Variants in UNC13B observed in about 807,000 individuals in gnomAD.
UNC13B encodes the protein protein unc-13 homolog B.
UNC13B carries 144 observed loss-of-function variants against 211.0 expected under a neutral mutation model. The ratio of observed to expected loss-of-function variants is 0.68; its 90% CI spans 0.60 to 0.78. UNC13B has a LOEUF of 0.78. UNC13B is among the 30% of genes least tolerant of loss of function. The pLI, the probability that UNC13B is intolerant of heterozygous loss-of-function variation, is 0.00. For synonymous variants in UNC13B, 709 were observed against 725.8 expected, an observed-to-expected ratio of 0.98 and a Z score of 0.37; for missense variants, 1,777 against 2,002.0, an observed-to-expected ratio of 0.89 and a Z score of 2.14.
At position 35,306,820 on chromosome 9, in the gene UNC13B, A is replaced by G. The variant is rs1334730824; in HGVS notation, c.7416A>G (p.Leu2472=). 5.0e-6 allele frequency: 2 copies of G among 398,890 alleles called. No homozygotes were observed. The highest frequency in any genetic ancestry group is 4.1e-5 in the African/African-American group (2 of 48,606). 24.7% of individuals were successfully genotyped at this position (398,890 alleles called of 1,614,324 possible). Reference sequence around the variant, plus strand: ...AAGTGAAATCTTTCTCTGGGAGCTTAATTGAACCTCCCAAAACACTCTCTG... The same window carrying G: ...AAGTGAAATCTTTCTCTGGGAGCTTGATTGAACCTCCCAAAACACTCTCTG... ...VTKVKSFSGS[L]IEPPKTLSGL... The change falls in exon 9 of 40, where the codon TTA becomes TTG. Residue 2472 remains leucine (L), a synonymous_variant. Transcript: ENST00000635942.
chr9:35,318,314 T>A (rs906649296), intron 11 of UNC13B, among the ~76,000 whole-genome samples: 1 of 152,172 alleles, frequency 6.6e-6, no homozygotes, highest in East Asian at 1.9e-4. Flanking sequence ...GTACTTAAGA[T>A]GAGATTTAGT....
At chr9:35,330,693 C>T (rs965878283) in intron 11 of UNC13B, among the ~76,000 whole-genome samples, 2 of 152,172 alleles carry the variant, frequency 1.3e-5, no homozygotes, top group Non-Finnish European at 2.9e-5. Flanking sequence ...CTGAAATATT[C>T]TGGACACATT....
chr9:35,203,194 T>C (rs1218987450), intron 1 of UNC13B, among the ~76,000 whole-genome samples: 1 of 152,222 alleles, frequency 6.6e-6, no homozygotes, highest in African/African-American at 2.4e-5. Flanking sequence ...TTTGGTCCTG[T>C]CATTATGATG....
At chr9:35,201,455 C>T (rs1240274299) in intron 1 of UNC13B, among the ~76,000 whole-genome samples, 1 of 152,146 alleles carries the variant, frequency 6.6e-6, no homozygotes, top group Non-Finnish European at 1.5e-5. Context: ...GCTGTGAATC[C>T]ATCTGGTCCT....
chr9:35,385,938 G>C, intron 23 of UNC13B, 125 bp downstream of exon 23: 2 of 1,412,432 alleles, frequency 1.4e-6, no homozygotes, highest in Non-Finnish European at 1.9e-6. Context: ...TTACATTTCT[G>C]TGTACCTGTT....
chr9:35,394,217 G>A (rs1453844007), intron 26 of UNC13B, among the ~76,000 whole-genome samples: 18 of 152,194 alleles, frequency 1.2e-4, no homozygotes. Context: ...ATTAGTTGGT[G>A]TACTCTGTTC....
At chr9:35,194,195 T>A (rs1382346390) in intron 1 of UNC13B, among the ~76,000 whole-genome samples, 2 of 152,204 alleles carry the variant, frequency 1.3e-5, no homozygotes, top group Non-Finnish European at 2.9e-5. Flanking sequence ...ACGCCTTCCC[T>A]TGAGCTATAT....
chr9:35,207,051 A>C (rs548174697), intron 1 of UNC13B, among the ~76,000 whole-genome samples: 8 of 152,106 alleles, frequency 5.3e-5, no homozygotes, highest in Admixed American at 2.6e-4. Flanking sequence ...TGTGTGCACT[A>C]TTTTTCAAAG....
chr9:35,215,466 T>C (rs1273924986), intron 1 of UNC13B, among the ~76,000 whole-genome samples: 5 of 152,170 alleles, frequency 3.3e-5, no homozygotes, highest in African/African-American at 1.2e-4. Context: ...ATGTCTAATA[T>C]GTTACAGTTT....
At chr9:35,211,596 A>C (rs569567872) in intron 1 of UNC13B, among the ~76,000 whole-genome samples, 2 of 152,228 alleles carry the variant, frequency 1.3e-5, no homozygotes, top group Admixed American at 6.5e-5. Flanking sequence ...GTATAGCAAT[A>C]TGAGTAGTAG....
At chr9:35,198,751 T>C (rs375359607) in intron 1 of UNC13B, among the ~76,000 whole-genome samples, 1 of 152,050 alleles carries the variant, frequency 6.6e-6, no homozygotes, top group Admixed American at 6.5e-5. Context: ...CTGAGGAGTT[T>C]TCAGATGGAG....
At chr9:35,390,394 G>C (rs543683093) in intron 25 of UNC13B, among the ~76,000 whole-genome samples, 11 of 152,290 alleles carry the variant, frequency 7.2e-5, no homozygotes, top group Non-Finnish European at 1.2e-4. Flanking sequence ...CCTGCCTTCT[G>C]GGCATCTTCT....
intron 37 of UNC13B, chr9:35,402,001 G>A: frequency 6.4e-7 from 1 of 1,550,630 alleles, no homozygotes; most frequent in Non-Finnish European, 8.7e-7. Context: ...CATTCGTCCG[G>A]AAAAGGGTAT....
At chr9:35,249,570 G>A (rs1488214004) in intron 6 of UNC13B, among the ~76,000 whole-genome samples, 1 of 152,138 alleles carries the variant, frequency 6.6e-6, no homozygotes, top group Non-Finnish European at 1.5e-5. Context: ...AAATCTCTCA[G>A]CATTTGCTTG....
chr9:35,327,489 A>C (rs1234017659), intron 11 of UNC13B, among the ~76,000 whole-genome samples: 1 of 152,164 alleles, frequency 6.6e-6, no homozygotes, highest in African/African-American at 2.4e-5. Context: ...GGAGAAGAGG[A>C]AGCAAATGTC....
intron 1 of UNC13B, among the ~76,000 whole-genome samples, chr9:35,225,669 C>G (rs879433528): frequency 1.3e-5 from 2 of 151,890 alleles, no homozygotes; most frequent in Non-Finnish European, 2.9e-5. Context: ...AGTTTCTTGG[C>G]TTCTCAGTGG....
At chr9:35,358,870 T>G (rs1277209042) in intron 11 of UNC13B, among the ~76,000 whole-genome samples, 1 of 151,938 alleles carries the variant, frequency 6.6e-6, no homozygotes, top group East Asian at 1.9e-4. Flanking sequence ...GGTTAATTTT[T>G]TGTATTTTTA....
In UNC13B at chr9:35,340,284, G is replaced by T. The variant is rs1052559798; in HGVS notation, c.9414+26295G>T. 3.3e-5 allele frequency among the ~76,000 whole-genome samples: 5 copies of T among 152,148 alleles called. 1 individual carries two copies. The highest frequency in any genetic ancestry group is 3.3e-4 in the Admixed American group (5 of 15,268). The stretch of plus-strand genomic sequence containing the variant: ...CTGTTAGTGTTGGCTGTGTAATGAG[G>T]TGGATGGCTAAGAAATGGGTTGTTT... On this transcript the variant is annotated intron_variant, in intron 11 of 39. Transcript: ENST00000635942.
chr9:35,279,602 T>G (rs1302339638), intron 7 of UNC13B, among the ~76,000 whole-genome samples: 1 of 152,230 alleles, frequency 6.6e-6, no homozygotes, highest in Non-Finnish European at 1.5e-5. Flanking sequence ...TTCCAGTATT[T>G]GCAGTTACAA....
Sources: gnomAD v4.1 joint callset for allele counts (sites outside exome capture counted in the v4.1 genomes callset) on GRCh38, gnomAD v4.1.1 for gene constraint, MANE v1.5 for transcripts, NCBI Gene and HGNC (gene_info 2026-07-23, HGNC 2026-07-21) for gene names.